Variants in FYB2 observed in about 807,000 individuals in gnomAD.
FYB2 encodes FYN-binding protein 2.
FYB2 carries 103 observed loss-of-function variants against 94.1 expected under a neutral mutation model. The observed-to-expected ratio is 1.09, with a 90% confidence interval of 0.93 to 1.29. FYB2 has a LOEUF of 1.29. Ranked by LOEUF, FYB2 falls within the 50% of genes most tolerant of loss-of-function variation. FYB2 has a pLI of 0.00. For synonymous variants in FYB2, 293 were observed against 287.9 expected, an observed-to-expected ratio of 1.02 and a Z score of -0.18; for missense variants, 896 against 841.5, an observed-to-expected ratio of 1.06 and a Z score of -0.80.
intron 1 of FYB2, among the ~76,000 whole-genome samples, chr1:56,812,330 C>T (rs1272104973): frequency 6.6e-6 from 1 of 152,052 alleles, no homozygotes; most frequent in Non-Finnish European, 1.5e-5. Flanking sequence ...ATATGCCATT[C>T]ACCATGACTA....
chr1:56,799,079 T>C (rs1646463697), intron 1 of FYB2, among the ~76,000 whole-genome samples: 1 of 152,200 alleles, frequency 6.6e-6, no homozygotes, highest in Non-Finnish European at 1.5e-5. Flanking sequence ...ACAACACTTA[T>C]ATATGATGTC....
Position 56,792,619 on chromosome 1 carries a change from T to C in FYB2, c.194A>G (p.Tyr65Cys), listed in dbSNP as rs750703816. ...LSSNHKQRTP[Y>C]CSSSESQPLQ... ...AGGCTGGGACTCACTACTGGAACAG[T>C]ATGGTGTGCGCTGCTTGTGGTTGGA... The change falls in exon 2 of 20, where the codon TAC becomes TGC. Residue 65 changes from tyrosine (Y) to cysteine (C), a missense_variant. Transcript: ENST00000343433. The C allele has an allele frequency of 2.5e-6, 4 of 1,613,934 alleles. No homozygotes were observed. The Admixed American group carries it at 6.7e-5, about 27-fold the overall frequency.
intron 4 of FYB2, among the ~76,000 whole-genome samples, chr1:56,770,992 T>C (rs1432854792): frequency 6.6e-6 from 1 of 152,136 alleles, no homozygotes; most frequent in Non-Finnish European, 1.5e-5. Flanking sequence ...GGCAAGAATA[T>C]GGAGAAATAG....
rs1645256688 is a variant in FYB2 at position 56,753,728 on chromosome 1, T to C, written c.1227+111A>G. 4.4e-6 allele frequency: 3 copies of C among 689,156 alleles called. No individual in the cohort carries two copies. The Admixed American group carries it at 7.9e-5, about 18-fold the overall frequency. The allele number at this position is 689,156 out of a possible 1,614,324, so 42.7% of individuals were successfully genotyped here. A position where few individuals can be genotyped will look rare whatever the true frequency, so the allele number is the denominator to read the frequency against. Reference sequence around the variant, plus strand: ...TCCTTGATACAATATCAAATGCCCATTGCCTTTTCTAACTCTGTCTCTCTG... The same window carrying C: ...TCCTTGATACAATATCAAATGCCCACTGCCTTTTCTAACTCTGTCTCTCTG... On this transcript the variant is annotated intron_variant, in intron 8 of 19. Coordinates refer to ENST00000343433, the MANE Select transcript of FYB2 (RefSeq NM_001004303.5).
intron 1 of FYB2, among the ~76,000 whole-genome samples, chr1:56,817,167 C>T (rs960569708): frequency 6.6e-6 from 1 of 152,224 alleles, no homozygotes; most frequent in East Asian, 1.9e-4. Context: ...GCTTGAGTTT[C>T]AACAATGGCC....
At chr1:56,804,729 CAATA>C (rs1157365777) in intron 1 of FYB2, among the ~76,000 whole-genome samples, 1 of 145,082 alleles carries the variant, frequency 6.9e-6, no homozygotes, top group African/African-American at 2.4e-5. Flanking sequence ...GACTCCATCT[CAATA>C]AATAAATAAA....
intron 4 of FYB2, among the ~76,000 whole-genome samples, chr1:56,784,623 A>G (rs11206916): frequency 0.28 from 42,286 of 152,058 alleles, 8,033 homozygotes; most frequent in East Asian, 0.52. Flanking sequence ...AATTTTATAC[A>G]TTAGAATATT....
At chr1:56,785,284 C>T (rs943329086) in intron 4 of FYB2, among the ~76,000 whole-genome samples, 2 of 152,206 alleles carry the variant, frequency 1.3e-5, no homozygotes, top group African/African-American at 4.8e-5. Context: ...ACAGCAGTCA[C>T]CTTACACTCA....
chr1:56,801,735 G>A (rs974313233), intron 1 of FYB2, among the ~76,000 whole-genome samples: 13 of 151,996 alleles, frequency 8.6e-5, no homozygotes, highest in East Asian at 7.7e-4. Flanking sequence ...TCTACTATCC[G>A]GTCCCATCTT....
At chr1:56,775,860 A>G (rs17114329) in intron 4 of FYB2, among the ~76,000 whole-genome samples, 4,914 of 152,288 alleles carry the variant, frequency 0.032, 288 homozygotes, top group African/African-American at 0.11. Context: ...CTAGTGGTAT[A>G]AAAGAGAAGC....
chr1:56,808,844 T>C (rs769670952), intron 1 of FYB2, among the ~76,000 whole-genome samples: 2 of 152,200 alleles, frequency 1.3e-5, no homozygotes, highest in African/African-American at 2.4e-5. Context: ...TCACTAATGA[T>C]CCTTGCATGG....
In FYB2 at chr1:56,758,428, CTT is replaced by C. The variant is rs766800287; in HGVS notation, c.1098+286_1098+287del. Among the ~76,000 whole-genome samples the C allele has an allele frequency of 3.3e-5, 5 of 152,212 alleles. No homozygotes were observed. In the East Asian group the frequency reaches 9.7e-4, roughly 30 times the overall value. On this transcript the variant is annotated intron_variant, in intron 6 of 19. Transcript: ENST00000343433. ...CAAACCTGGATTGTGCCATAGAACT[CTT>C]CTCACTGGAAGTCATAGTTATTAAA...
At chr1:56,749,270 T>C (rs1018626307) in intron 9 of FYB2, among the ~76,000 whole-genome samples, 1 of 151,878 alleles carries the variant, frequency 6.6e-6, no homozygotes, top group African/African-American at 2.4e-5. Flanking sequence ...TTATCTATTA[T>C]TTCCTCTTCC....
chr1:56,814,443 ATGCTGAAG>A (rs1646836260), intron 1 of FYB2, among the ~76,000 whole-genome samples: 5 of 152,206 alleles, frequency 3.3e-5, no homozygotes, highest in Admixed American at 3.3e-4. Context: ...GCCAGGCTAA[ATGCTGAAG>A]TCAGCATTGC....
chr1:56,783,755 T>C (rs1425121189), intron 4 of FYB2, among the ~76,000 whole-genome samples: 1 of 152,164 alleles, frequency 6.6e-6, no homozygotes, highest in Admixed American at 6.5e-5. Context: ...ATTTTCAATG[T>C]ATGTAAATGT....
intron 12 of FYB2, among the ~76,000 whole-genome samples, chr1:56,741,031 G>T (rs1644940762): frequency 6.6e-6 from 1 of 151,908 alleles, no homozygotes; most frequent in Non-Finnish European, 1.5e-5. Flanking sequence ...TCACTGTTTG[G>T]GTAATGGGTA....
chr1:56,800,835 C>T (rs116744527), intron 1 of FYB2, among the ~76,000 whole-genome samples: 1 of 152,266 alleles, frequency 6.6e-6, no homozygotes, highest in African/African-American at 2.4e-5. Flanking sequence ...CTTGATGGTC[C>T]TAATACACCA....
At chr1:56,799,547 A>C (rs1646473541) in intron 1 of FYB2, among the ~76,000 whole-genome samples, 1 of 152,212 alleles carries the variant, frequency 6.6e-6, no homozygotes, top group African/African-American at 2.4e-5. Flanking sequence ...AATAAATTAC[A>C]TGGCCATTGT....
chr1:56,727,737 A>G (rs1031092201), intron 15 of FYB2, among the ~76,000 whole-genome samples: 3 of 152,016 alleles, frequency 2.0e-5, no homozygotes, highest in African/African-American at 7.2e-5. Context: ...AGGCCAAGGT[A>G]TTGGTTATGT....
Sources: allele counts gnomAD v4.1 joint callset (sites outside exome capture counted in the v4.1 genomes callset), GRCh38; gene constraint gnomAD v4.1.1; transcripts MANE v1.5; gene names NCBI Gene and HGNC (gene_info 2026-07-23, HGNC 2026-07-21).